The following ARHGEF17 variants were observed in gnomAD, a reference collection of about 807,000 sequenced individuals.
The protein encoded by ARHGEF17 is Rho guanine nucleotide exchange factor 17.
Under a neutral mutation model 174.0 loss-of-function variants are expected in ARHGEF17, and 80 were observed. The ratio of observed to expected loss-of-function variants is 0.46; its 90% CI spans 0.38 to 0.55. The LOEUF (loss-of-function observed/expected upper bound fraction) is 0.55, where lower values mean the gene tolerates loss of function less well. Ranked by LOEUF, ARHGEF17 falls within the 20% of genes least tolerant of loss-of-function variation. The probability of loss-of-function intolerance (pLI) is 0.00; values close to 1 mark genes in which losing one functional copy is unlikely to be tolerated. For synonymous variants in ARHGEF17, 1,311 were observed against 1,189.1 expected, an observed-to-expected ratio of 1.10 and a Z score of -2.11; for missense variants, 2,886 against 2,839.7, an observed-to-expected ratio of 1.02 and a Z score of -0.37.
Position 73,355,606 on chromosome 11 carries a change from G to C in ARHGEF17, c.3527G>C (p.Arg1176Pro). The change falls in exon 4 of 21, where the codon CGT becomes CCT. Residue 1176 changes from arginine (R) to proline (P), a missense_variant. Arg to Pro is a moderately radical substitution (Grantham distance 103). Coordinates refer to ENST00000263674, the MANE Select transcript of ARHGEF17 (RefSeq NM_014786.4). ...DNFLNAKDAV[R>P]VAKEARPAFL... ...TTCCTCAATGCAAAGGATGCTGTGCGTGTGGCCAAGGAGGCGAGGCCTGCC... is the reference window on the plus strand; with the variant it reads ...TTCCTCAATGCAAAGGATGCTGTGCCTGTGGCCAAGGAGGCGAGGCCTGCC... 1 of 1,614,220 alleles carries C rather than the reference G, an allele frequency of 6.2e-7. No homozygotes were observed. The highest frequency in any genetic ancestry group is 8.5e-7 in the Non-Finnish European group (1 of 1,180,022).
intron 1 of ARHGEF17, among the ~76,000 whole-genome samples, chr11:73,315,020 G>T (rs1107039): frequency 6.6e-6 from 1 of 152,168 alleles, no homozygotes; most frequent in African/African-American, 2.4e-5. Context: ...TCAAGTGCTT[G>T]CTATGTGCCA....
intron 3 of ARHGEF17, among the ~76,000 whole-genome samples, chr11:73,353,464 A>C (rs1865589310): frequency 6.6e-6 from 1 of 152,086 alleles, no homozygotes; most frequent in South Asian, 2.1e-4. Flanking sequence ...CTTTTTCTCC[A>C]TCAGATATTT....
At chr11:73,336,487 C>T (rs1239991812) in intron 1 of ARHGEF17, among the ~76,000 whole-genome samples, 4 of 152,154 alleles carry the variant, frequency 2.6e-5, no homozygotes, top group Non-Finnish European at 5.9e-5. Flanking sequence ...AGAAGTCGGG[C>T]CTGAGTCCCA....
chr11:73,360,359 C>G lies in ARHGEF17; in HGVS notation c.4246C>G (p.His1416Asp). 6.2e-7 allele frequency: 1 copy of G among 1,613,902 alleles called. No individual in the cohort carries two copies. The highest frequency in any genetic ancestry group is 8.5e-7 in the Non-Finnish European group (1 of 1,180,056). ...DALRDLSAAM[H>D]RDLSEKQALC... Reference sequence around the variant, plus strand: ...ACTGCGGGACCTCTCAGCTGCCATGCACCGGGACCTGTCGGAGAAGCAGGC... The same window carrying G: ...ACTGCGGGACCTCTCAGCTGCCATGGACCGGGACCTGTCGGAGAAGCAGGC... The change falls in exon 11 of 21, where the codon CAC (histidine) becomes GAC (aspartate). Residue 1416 changes from histidine (H) to aspartate (D), a missense_variant. By Grantham distance (81) the His-to-Asp change is moderately conservative. This residue lies in a region of ARHGEF17 where 476 missense variants were observed against 473.1 expected (regional missense o/e 1.01). Transcript: ENST00000263674.
rs140121811 is a variant in ARHGEF17 at position 73,364,298 on chromosome 11, C to T, written c.5401+59C>T. The T allele has an allele frequency of 1.4e-5, 22 of 1,605,236 alleles. No homozygotes were observed. The East Asian group carries it at 3.6e-4, about 26-fold the overall frequency. On this transcript the variant is annotated intron_variant, in intron 17 of 20. Coordinates refer to ENST00000263674, the MANE Select transcript of ARHGEF17 (RefSeq NM_014786.4). ...GTCCCCTTACTGGTGTTGGGGCTCT[C>T]TCCTGGAGATGTGGCTTTGGGCAAC...
At position 73,310,520 on chromosome 11, in the gene ARHGEF17, C is replaced by G; in HGVS notation, c.1882C>G (p.Arg628Gly). 6.2e-7 allele frequency: 1 copy of G among 1,613,934 alleles called. No homozygotes were observed. Among genetic ancestry groups the G allele is most frequent in the Non-Finnish European group, 8.5e-7 (1 of 1,180,014 alleles). The change falls in exon 1 of 21, where the codon CGA (arginine) becomes GGA (glycine). Residue 628 changes from arginine to glycine, a missense_variant. Coordinates refer to ENST00000263674, the MANE Select transcript of ARHGEF17 (RefSeq NM_014786.4). Reference protein sequence around the residue: ...GSPDWAGDVTRGQRSQEELSG... With the variant: ...GSPDWAGDVTGGQRSQEELSG... ...CCCTGACTGGGCAGGGGATGTGACC[C>G]GAGGGCAGCGGTCCCAGGAGGAGCT...
At position 73,310,173 on chromosome 11, in the gene ARHGEF17, G is replaced by A. The variant is rs1034374422; in HGVS notation, c.1535G>A (p.Gly512Asp). The A allele has an allele frequency of 6.2e-7, 1 of 1,613,940 alleles. No individual in the cohort carries two copies. Among genetic ancestry groups the A allele is most frequent in the Non-Finnish European group, 8.5e-7 (1 of 1,179,996 alleles). The change falls in exon 1 of 21, where the codon GGC becomes GAC. Residue 512 changes from glycine to aspartate, a missense_variant. Around this residue, in one of 4 missense-constraint regions of ARHGEF17, gnomAD observed 1,728 missense variants for 1,461.2 expected, o/e 1.18. Transcript: ENST00000263674. ...GGCAGAGACTCACCATCCGCAGGTGGCCCTGTGGGGCAACTTGAACCCATA... is the reference window on the plus strand; with the variant it reads ...GGCAGAGACTCACCATCCGCAGGTGACCCTGTGGGGCAACTTGAACCCATA... ...LDGRDSPSAG[G>D]PVGQLEPIPI...
Position 73,356,756 on chromosome 11 carries a change from A to G in ARHGEF17, c.3888A>G (p.Glu1296=). 1.9e-6 allele frequency: 3 copies of G among 1,614,034 alleles called. No individual in the cohort carries two copies. ...TCCTGAGACAGGAGATGGTCATTGA[A>G]GTGGTAAGAAGTGTCCCAGTATCTG... ...RRFLRQEMVI[E]VKAIGGKKDR... Residue 1296 remains glutamate (E), a synonymous_variant, in exon 7 of 21, where the codon GAA becomes GAG. Coordinates refer to ENST00000263674, the MANE Select transcript of ARHGEF17 (RefSeq NM_014786.4).
intron 1 of ARHGEF17, among the ~76,000 whole-genome samples, chr11:73,331,476 G>A (rs1346729931): frequency 6.6e-6 from 1 of 152,108 alleles, no homozygotes; most frequent in Non-Finnish European, 1.5e-5. Context: ...GGGCCCCAGT[G>A]GTCAAATTCC....
In ARHGEF17 at chr11:73,362,720, C is replaced by T. The variant is rs772814783; in HGVS notation, c.4982C>T (p.Ser1661Phe). ...LQSQASRSTI[S>F]SSFGNEETPS... ...AGCCAGGCCAGCCGGTCCACCATCT[C>T]CTCCAGCTTTGGCAGTGAGCTTTGG... Residue 1661 changes from serine (S) to phenylalanine (F), a missense_variant, in exon 14 of 21, where the codon TCC (serine) becomes TTC (phenylalanine). Ser to Phe is a radical substitution (Grantham distance 155). Around this residue, in one of 4 missense-constraint regions of ARHGEF17, gnomAD observed 476 missense variants for 473.1 expected, o/e 1.01. Transcript: ENST00000263674. 38 of 1,603,234 alleles carry T rather than the reference C, an allele frequency of 2.4e-5. No individual in the cohort carries two copies. In the South Asian group the frequency reaches 3.1e-4, roughly 13 times the overall value.
At chr11:73,364,755 C>G (rs1417263302) in intron 18 of ARHGEF17, 155 bp downstream of exon 18, 6 of 897,172 alleles carry the variant, frequency 6.7e-6, no homozygotes, top group Non-Finnish European at 9.6e-6. Flanking sequence ...CCCTGTCCTC[C>G]TTCGATCCTC....
chr11:73,347,096 A>G (rs776743076), intron 2 of ARHGEF17, 136 bp downstream of exon 2: 122 of 863,122 alleles, frequency 1.4e-4, no homozygotes, highest in Non-Finnish European at 2.0e-4. Flanking sequence ...TCGCCTTTCC[A>G]TGAAGAACCC....
chr11:73,356,911 TG>T, intron 7 of ARHGEF17, 113 bp from the exon 8 acceptor site: 2 of 1,488,986 alleles, frequency 1.3e-6, no homozygotes, highest in South Asian at 1.2e-5. Context: ...TCTGGGAAGC[TG>T]GGGAAGAGCC....
At chr11:73,348,473 A>T (rs1387423259) in intron 2 of ARHGEF17, among the ~76,000 whole-genome samples, 1 of 152,206 alleles carries the variant, frequency 6.6e-6, no homozygotes, top group Non-Finnish European at 1.5e-5. Flanking sequence ...TACAACATGG[A>T]TGAGCCTGGA....
At chr11:73,337,122 C>T (rs979312310) in intron 1 of ARHGEF17, among the ~76,000 whole-genome samples, 1 of 152,182 alleles carries the variant, frequency 6.6e-6, no homozygotes, top group Non-Finnish European at 1.5e-5. Context: ...GAGTCAATAC[C>T]ACATTGTAAG....
At chr11:73,364,275 C>A in intron 17 of ARHGEF17, 36 bp downstream of exon 17, 2 of 1,610,830 alleles carry the variant, frequency 1.2e-6, no homozygotes, top group South Asian at 2.2e-5. Flanking sequence ...CTGCCCCTGT[C>A]CCCTTACTGG....
Position 73,368,326 on chromosome 11 carries a change from G to C in ARHGEF17, c.*546G>C, listed in dbSNP as rs1452955662. Reference sequence around the variant, plus strand: ...GACTCTAACCAAGCCTTCCTGGAGGGACCCATGCGCCCCTGAGCCCCATTC... The same window carrying C: ...GACTCTAACCAAGCCTTCCTGGAGGCACCCATGCGCCCCTGAGCCCCATTC... On this transcript the variant is annotated 3_prime_UTR_variant, in exon 21 of 21. Transcript: ENST00000263674. The C allele has an allele frequency of 6.5e-6, 1 of 152,752 alleles. No homozygotes were observed. Among genetic ancestry groups the C allele is most frequent in the Non-Finnish European group, 1.5e-5 (1 of 68,366 alleles). 9.5% of individuals were successfully genotyped at this position (152,752 alleles called of 1,614,324 possible).
chr11:73,308,941 C>T lies in ARHGEF17; in HGVS notation c.303C>T (p.Thr101=). The change falls in exon 1 of 21, where the codon ACC becomes ACT. Residue 101 remains threonine (T), a synonymous_variant. Transcript: ENST00000263674. Reference sequence around the variant, plus strand: ...GTCTGGACGACGGCTCCGCTGGGACCCGAGACGGAGGCGTCTTACCCGCGG... The same window carrying T: ...GTCTGGACGACGGCTCCGCTGGGACTCGAGACGGAGGCGTCTTACCCGCGG... ...APRLDDGSAG[T]RDGGVLPAAA... 4.4e-6 allele frequency: 6 copies of T among 1,364,106 alleles called. No individual in the cohort carries two copies. The South Asian group carries it at 6.9e-5, about 16-fold the overall frequency. 84.5% of individuals were successfully genotyped at this position (1,364,106 alleles called of 1,614,324 possible).
Position 73,356,354 on chromosome 11 carries a change from G to C in ARHGEF17, c.3840+3G>C. The C allele has an allele frequency of 6.2e-7, 1 of 1,606,322 alleles. No individual in the cohort carries two copies. Among genetic ancestry groups the C allele is most frequent in the Non-Finnish European group, 8.5e-7 (1 of 1,179,138 alleles). On this transcript the variant is annotated splice_donor_region_variant and intron_variant, in intron 6 of 20. Coordinates refer to ENST00000263674, the MANE Select transcript of ARHGEF17 (RefSeq NM_014786.4). ...CTCACATCGAGGGCATGGAGGATGT[G>C]CGTGCGCCCTGCCCCACCCCACCCT...
Sources: gnomAD v4.1 joint callset for allele counts (sites outside exome capture counted in the v4.1 genomes callset) on GRCh38, gnomAD v4.1.1 for gene constraint, gnomAD v4.1.1 regional missense constraint, MANE v1.5 for transcripts, NCBI Gene and HGNC (gene_info 2026-07-23, HGNC 2026-07-21) for gene names.